The following DAPL1 variants were observed in gnomAD, a reference collection of about 807,000 sequenced individuals.
DAPL1 encodes the protein death associated protein like 1.
A neutral mutation model predicts 12.9 loss-of-function variants in DAPL1; 17 were observed. The observed-to-expected ratio is 1.32, with a 90% CI of 0.90 to 1.98. DAPL1 has a LOEUF of 1.98. DAPL1 is among the 30% of genes most tolerant of loss of function. The pLI, the probability that DAPL1 is intolerant of heterozygous loss-of-function variation, is 0.00. For missense variants in DAPL1, 157 were observed against 125.7 expected, an observed-to-expected ratio of 1.25 and a Z score of -1.19; for synonymous variants, 51 against 42.0, an observed-to-expected ratio of 1.21 and a Z score of -0.82.
chr2:158,808,746 C>T (rs1345111796), intron 3 of DAPL1, among the ~76,000 whole-genome samples: 2 of 152,106 alleles, frequency 1.3e-5, no homozygotes, highest in East Asian at 1.9e-4. Context: ...CCACTAAACA[C>T]CACTTCCTTA....
At position 158,802,122 on chromosome 2, in the gene DAPL1, G is replaced by A. The variant is rs115218493; in HGVS notation, c.59-2160G>A. Among the ~76,000 whole-genome samples the A allele has an allele frequency of 6.2e-3, 943 of 152,314 alleles. 5 individuals carry two copies. The highest frequency in any genetic ancestry group is 9.2e-3 in the Non-Finnish European group (628 of 68,014). On this transcript the variant is annotated intron_variant, in intron 1 of 3. Coordinates refer to ENST00000309950, the MANE Select transcript of DAPL1 (RefSeq NM_001017920.3). ...TTTGTAGCTCGCGTTGTTAACAGGG[G>A]TATGGAGGAACAACAACTGTCATCA...
chr2:158,804,164 T>G (rs1559043159), intron 1 of DAPL1, 118 bp from the exon 2 acceptor site: 9 of 691,050 alleles, frequency 1.3e-5, no homozygotes, highest in Admixed American at 5.9e-5. Flanking sequence ...ATACAAACGT[T>G]TAGATCTTTA....
intron 1 of DAPL1, among the ~76,000 whole-genome samples, chr2:158,801,135 G>A (rs753331034): frequency 3.2e-4 from 48 of 152,278 alleles, no homozygotes; most frequent in South Asian, 1.0e-3. Context: ...GAGCCATCGC[G>A]CCCAGCCAGT....
intron 1 of DAPL1, among the ~76,000 whole-genome samples, chr2:158,803,953 G>T (rs1220794280): frequency 6.6e-6 from 1 of 152,082 alleles, no homozygotes; most frequent in Non-Finnish European, 1.5e-5. Flanking sequence ...GAATGTAATT[G>T]GTTTGATAAT....
chr2:158,810,814 G>A (rs1389369923), intron 3 of DAPL1, among the ~76,000 whole-genome samples: 1 of 152,206 alleles, frequency 6.6e-6, no homozygotes, highest in Non-Finnish European at 1.5e-5. Flanking sequence ...AAAACAGGCT[G>A]TGTAGCCCAA....
In DAPL1 at chr2:158,805,950, T is replaced by C. The variant is rs142809396; in HGVS notation, c.147-1105T>C. Reference sequence around the variant, plus strand: ...AAGAAAAATAACCAAAAATGACCGATATGAAATGGGTAGGGCCCCTCCCAG... The same window carrying C: ...AAGAAAAATAACCAAAAATGACCGACATGAAATGGGTAGGGCCCCTCCCAG... On this transcript the variant is annotated intron_variant, in intron 2 of 3. Coordinates refer to ENST00000309950, the MANE Select transcript of DAPL1 (RefSeq NM_001017920.3). Among the ~76,000 whole-genome samples the C allele has an allele frequency of 3.9e-4, 58 of 148,200 alleles. 2 individuals carry two copies. Among genetic ancestry groups the C allele is most frequent in the African/African-American group, 1.1e-3 (44 of 40,936 alleles).
chr2:158,813,177 G>A (rs1391791458), intron 3 of DAPL1, among the ~76,000 whole-genome samples: 1 of 152,178 alleles, frequency 6.6e-6, no homozygotes, highest in African/African-American at 2.4e-5. Context: ...GGTACCCAAA[G>A]TAGTCAGATT....
rs10526986 is a variant in DAPL1 at position 158,809,357 on chromosome 2, C to CAAAAAAAA, written c.207+2246_207+2253dup. ...TGGGTGACAGAGCGAGACTCCATCT[C>CAAAAAAAA]AAAAAAAAAAAGAAATATTTTTAAC... On this transcript the variant is annotated intron_variant, in intron 3 of 3. Transcript: ENST00000309950. 3.2e-4 allele frequency among the ~76,000 whole-genome samples: 22 copies of CAAAAAAAA among 69,540 alleles called. 1 individual carries two copies. Among genetic ancestry groups the CAAAAAAAA allele is most frequent in the African/African-American group, 9.2e-4 (17 of 18,416 alleles). 45.6% of individuals were successfully genotyped at this position (69,540 alleles called of 152,430 possible).
intron 1 of DAPL1, among the ~76,000 whole-genome samples, chr2:158,801,016 T>C (rs1281998079): frequency 6.6e-6 from 1 of 152,144 alleles, no homozygotes; most frequent in Non-Finnish European, 1.5e-5. Context: ...CTAATTTTTG[T>C]ATTTTTAGTA....
intron 3 of DAPL1, among the ~76,000 whole-genome samples, 193 bp downstream of exon 3, chr2:158,807,308 A>G (rs150471031): frequency 6.6e-6 from 1 of 152,294 alleles, no homozygotes; most frequent in Non-Finnish European, 1.5e-5. Context: ...CAAATTCCTA[A>G]AGTGTCCATT....
chr2:158,804,485 G>C, intron 2 of DAPL1, 116 bp downstream of exon 2: 2 of 693,232 alleles, frequency 2.9e-6, no homozygotes, highest in South Asian at 4.3e-5. Flanking sequence ...CCAGAGAAGG[G>C]GGCAGGAGGG....
chr2:158,800,932 C>T (rs1166098183), intron 1 of DAPL1, among the ~76,000 whole-genome samples: 1 of 152,190 alleles, frequency 6.6e-6, no homozygotes, highest in Non-Finnish European at 1.5e-5. Flanking sequence ...CTCTGCCTCC[C>T]AGGTTCAAGC....
At chr2:158,807,250 T>C in intron 3 of DAPL1, 135 bp downstream of exon 3, 6 of 518,670 alleles carry the variant, frequency 1.2e-5, no homozygotes, top group Non-Finnish European at 2.0e-5. Context: ...GAATTTGTTC[T>C]CTGTCAGAGG....
intron 3 of DAPL1, among the ~76,000 whole-genome samples, chr2:158,815,403 C>T (rs1458458636): frequency 6.6e-6 from 1 of 152,158 alleles, no homozygotes; most frequent in African/African-American, 2.4e-5. Flanking sequence ...TAGATGCATA[C>T]TAGTGCCAGA....
chr2:158,811,561 A>G (rs950116420), intron 3 of DAPL1, among the ~76,000 whole-genome samples: 1 of 152,198 alleles, frequency 6.6e-6, no homozygotes, highest in African/African-American at 2.4e-5. Context: ...AATGAAAAAT[A>G]TAGGTTCTGA....
chr2:158,798,736 G>A (rs2059149211), intron 1 of DAPL1, among the ~76,000 whole-genome samples: 1 of 152,016 alleles, frequency 6.6e-6, no homozygotes, highest in Non-Finnish European at 1.5e-5. Flanking sequence ...ACCTTCTCTT[G>A]ATGAGGGTTT....
rs1467945114 is a variant in DAPL1 at position 158,797,488 on chromosome 2, A to G, written c.58+2058A>G. Among the ~76,000 whole-genome samples the G allele has an allele frequency of 2.0e-5, 3 of 152,242 alleles. No individual in the cohort carries two copies. In the South Asian group the frequency reaches 6.2e-4, roughly 32 times the overall value. On this transcript the variant is annotated intron_variant, in intron 1 of 3. Coordinates refer to ENST00000309950, the MANE Select transcript of DAPL1 (RefSeq NM_001017920.3). ...GGAAAAAATATGTGCCTATCCCATC[A>G]CAGTTAAAAATGAAATCACTCAGCT... is the stretch of plus-strand genomic sequence containing the variant.
intron 3 of DAPL1, among the ~76,000 whole-genome samples, chr2:158,810,091 G>A (rs1359724286): frequency 2.0e-5 from 3 of 152,148 alleles, no homozygotes; most frequent in African/African-American, 7.2e-5. Flanking sequence ...GACTCATAAA[G>A]CAGCACATGA....
intron 1 of DAPL1, among the ~76,000 whole-genome samples, chr2:158,800,158 G>C (rs1426370378): frequency 2.0e-5 from 3 of 151,954 alleles, no homozygotes; most frequent in African/African-American, 7.3e-5. Context: ...TTGAGAGGTA[G>C]ATGAAAAGAG....
Sources: allele counts gnomAD v4.1 joint callset (sites outside exome capture counted in the v4.1 genomes callset), GRCh38; gene constraint gnomAD v4.1.1; transcripts MANE v1.5; gene names NCBI Gene and HGNC (gene_info 2026-07-23, HGNC 2026-07-21).